Variants in MCPH1 observed in about 807,000 individuals in gnomAD.
The protein encoded by MCPH1 is microcephalin.
MCPH1 carries 104 observed loss-of-function variants against 84.5 expected under a neutral mutation model. The ratio of observed to expected loss-of-function variants is 1.23; its 90% CI spans 1.05 to 1.45. MCPH1 has a LOEUF of 1.45. Among genes scored for constraint, MCPH1 ranks in the 40% most tolerant of loss-of-function variants. MCPH1 has a pLI of 0.00. For missense variants in MCPH1, 1,498 were observed against 1,005.7 expected, an observed-to-expected ratio of 1.49 and a Z score of -6.62; for synonymous variants, 514 against 366.8, an observed-to-expected ratio of 1.40 and a Z score of -4.58.
At chr8:6,506,957 G>T (rs534482516) in intron 12 of MCPH1, among the ~76,000 whole-genome samples, 1 of 151,872 alleles carries the variant, frequency 6.6e-6, no homozygotes, top group Non-Finnish European at 1.5e-5. Flanking sequence ...GATTGTACTG[G>T]TGCGATCTCG....
intron 12 of MCPH1, among the ~76,000 whole-genome samples, chr8:6,526,434 C>CAA (rs796967069): frequency 7.2e-6 from 1 of 138,850 alleles, no homozygotes; most frequent in Non-Finnish European, 1.6e-5. Context: ...GACCCTGTCT[C>CAA]AAAAAAAAAA....
intron 3 of MCPH1, among the ~76,000 whole-genome samples, chr8:6,416,683 G>A (rs573449047): frequency 4.1e-4 from 63 of 152,180 alleles, no homozygotes; most frequent in Non-Finnish European, 6.3e-4. Flanking sequence ...TGTATACGTT[G>A]TCATCTTGCC....
intron 13 of MCPH1, chr8:6,626,329 G>C: frequency 1.0e-6 from 1 of 985,234 alleles, no homozygotes; most frequent in South Asian, 4.7e-5. Flanking sequence ...CCTAATAACG[G>C]GGTTATCGGA....
At chr8:6,614,611 G>GCCTTATGAATAATCAACGT (rs1830618108) in intron 12 of MCPH1, among the ~76,000 whole-genome samples, 1 of 152,208 alleles carries the variant, frequency 6.6e-6, no homozygotes, top group Non-Finnish European at 1.5e-5. Context: ...TCTGCAGCCA[G>GCCTTATGAATAATCAACGT]CCTTATGAAT....
At chr8:6,511,636 T>C (rs1317917494) in intron 12 of MCPH1, among the ~76,000 whole-genome samples, 1 of 152,212 alleles carries the variant, frequency 6.6e-6, no homozygotes, top group East Asian at 1.9e-4. Context: ...TTCACAGTTC[T>C]CTTATCATGC....
At chr8:6,469,251 A>G (rs1202854319) in intron 9 of MCPH1, among the ~76,000 whole-genome samples, 1 of 152,202 alleles carries the variant, frequency 6.6e-6, no homozygotes, top group South Asian at 2.1e-4. Flanking sequence ...AGATCATAGC[A>G]TGTATAAAAT....
chr8:6,547,876 C>G (rs1275700690), intron 12 of MCPH1, among the ~76,000 whole-genome samples: 4 of 149,860 alleles, frequency 2.7e-5, no homozygotes, highest in Admixed American at 1.3e-4. Flanking sequence ...AGTGAGTCAT[C>G]TTACCCCCAT....
rs567991592 is a variant in MCPH1 at position 6,525,291 on chromosome 8, G to A, written c.2214+25362G>A. On this transcript the variant is annotated intron_variant, in intron 12 of 13. Transcript: ENST00000344683. ...TGTAATTTTGGAGAGATGGGGGTCTGTCTTTGTTGCCCAGGTTGGTATCAA... is the reference window on the plus strand; with the variant it reads ...TGTAATTTTGGAGAGATGGGGGTCTATCTTTGTTGCCCAGGTTGGTATCAA... 5.3e-5 allele frequency among the ~76,000 whole-genome samples: 8 copies of A among 152,288 alleles called. No individual in the cohort carries two copies. In the South Asian group the frequency reaches 1.7e-3, roughly 32 times the overall value.
At chr8:6,409,828 T>C (rs1372143362) in intron 2 of MCPH1, among the ~76,000 whole-genome samples, 1 of 152,158 alleles carries the variant, frequency 6.6e-6, no homozygotes, top group Non-Finnish European at 1.5e-5. Flanking sequence ...CATCGTCCCA[T>C]GTCAGGCATG....
intron 12 of MCPH1, among the ~76,000 whole-genome samples, chr8:6,611,836 T>C (rs1471189118): frequency 1.3e-5 from 2 of 152,170 alleles, no homozygotes; most frequent in East Asian, 1.9e-4. Flanking sequence ...GCCAGGATGG[T>C]CTCGGTCTCC....
intron 1 of MCPH1, among the ~76,000 whole-genome samples, chr8:6,408,664 A>T (rs1240234274): frequency 6.7e-6 from 1 of 150,338 alleles, no homozygotes; most frequent in Admixed American, 6.6e-5. Flanking sequence ...TCTCCACCCT[A>T]CCCACCCCCA....
At chr8:6,446,526 C>T in intron 8 of MCPH1, 1 of 984,024 alleles carries the variant, frequency 1.0e-6, no homozygotes, top group Non-Finnish European at 1.2e-6. Context: ...CTATTTATAT[C>T]TTGGCTTTCT....
chr8:6,423,706 C>T (rs552495755), intron 3 of MCPH1, among the ~76,000 whole-genome samples: 1 of 151,900 alleles, frequency 6.6e-6, no homozygotes, highest in Non-Finnish European at 1.5e-5. Flanking sequence ...AGGTTTAAAT[C>T]CCCAAAGTGG....
intron 9 of MCPH1, among the ~76,000 whole-genome samples, chr8:6,472,286 CAT>C (rs981617679): frequency 1.3e-5 from 2 of 152,114 alleles, no homozygotes; most frequent in African/African-American, 2.4e-5. Flanking sequence ...GTATTAATAA[CAT>C]ATATTTAACC....
At chr8:6,570,794 T>A (rs572009305) in intron 12 of MCPH1, among the ~76,000 whole-genome samples, 76 of 134,086 alleles carry the variant, frequency 5.7e-4, no homozygotes, top group African/African-American at 2.2e-3. Context: ...TTGGAGCAGA[T>A]GGATTGTTGT....
At chr8:6,626,108 T>A in intron 13 of MCPH1, 1 of 985,372 alleles carries the variant, frequency 1.0e-6, no homozygotes, top group Non-Finnish European at 1.2e-6. Context: ...TCTATGACGA[T>A]AAAAATTGTT....
intron 3 of MCPH1, among the ~76,000 whole-genome samples, chr8:6,427,851 G>A (rs932789505): frequency 6.6e-6 from 1 of 150,644 alleles, no homozygotes; most frequent in Non-Finnish European, 1.5e-5. Flanking sequence ...GGAGTGCAGT[G>A]GCGTGATCTC....
At chr8:6,431,302 A>T (rs559566086) in intron 3 of MCPH1, among the ~76,000 whole-genome samples, 197 bp from the exon 4 acceptor site, 3 of 152,172 alleles carry the variant, frequency 2.0e-5, no homozygotes, top group Non-Finnish European at 4.4e-5. Flanking sequence ...GTTATACTTA[A>T]ATACCAGATA....
At chr8:6,537,002 A>G (rs902615029) in intron 12 of MCPH1, among the ~76,000 whole-genome samples, 2 of 151,694 alleles carry the variant, frequency 1.3e-5, no homozygotes, top group Non-Finnish European at 2.9e-5. Flanking sequence ...CAACCCAGTA[A>G]ATAAGCCATC....
Sources: gnomAD v4.1 joint callset for allele counts (sites outside exome capture counted in the v4.1 genomes callset) on GRCh38, gnomAD v4.1.1 for gene constraint, MANE v1.5 for transcripts, NCBI Gene and HGNC (gene_info 2026-07-23, HGNC 2026-07-21) for gene names.